Variants in ZMYM5 observed in about 807,000 individuals in gnomAD.
ZMYM5 encodes the protein zinc finger MYM-type protein 5.
ZMYM5 carries 41 observed loss-of-function variants against 61.8 expected under a neutral mutation model. The ratio of observed to expected loss-of-function variants is 0.66; its 90% CI spans 0.52 to 0.86. The LOEUF (loss-of-function observed/expected upper bound fraction) is 0.86, where lower values mean the gene tolerates loss of function less well. Among genes scored for constraint, ZMYM5 ranks in the 40% least tolerant of loss-of-function variants. The pLI is 0.00. For synonymous variants in ZMYM5, 257 were observed against 276.4 expected (o/e 0.93, Z 0.70); for missense variants, 706 against 786.7 (o/e 0.90, Z 1.23).
chr13:19,824,286 T>C lies in ZMYM5; in HGVS notation c.*191A>G, dbSNP rs573872326. The C allele has an allele frequency of 4.8e-5, 12 of 250,338 alleles. No homozygotes were observed. The South Asian group carries it at 1.2e-3, about 25-fold the overall frequency. 15.5% of individuals were successfully genotyped at this position (250,338 alleles called of 1,614,324 possible). A position where few individuals can be genotyped will look rare whatever the true frequency, so the allele number is the denominator to read the frequency against. ...AAGTCATTGCCTAATGATGATTGAA[T>C]CTAATTAGTTTTAGATTTAGAATGG... is the stretch of plus-strand genomic sequence containing the variant. On this transcript the variant is annotated 3_prime_UTR_variant, in exon 8 of 8. Coordinates refer to ENST00000337963, the MANE Select transcript of ZMYM5 (RefSeq NM_001142684.2).
Position 19,824,676 on chromosome 13 carries a change from T to C in ZMYM5, c.1811A>G (p.Lys604Arg). ...CCAATCTTTGCACCCATTTTCATTT[T>C]TCAGTTGATTTTTTCCTTCCCCAAA... Reference protein sequence around the residue: ...KLFGEGKNQLKNENGCKDWQH... With the variant: ...KLFGEGKNQLRNENGCKDWQH... Residue 604 changes from lysine to arginine, a missense_variant, in exon 8 of 8, where the codon AAA (lysine) becomes AGA (arginine). Around this residue, in one of 2 missense-constraint regions of ZMYM5, gnomAD observed 226 missense variants for 325.0 expected, o/e 0.70. Transcript: ENST00000337963. The C allele has an allele frequency of 7.5e-7, 1 of 1,337,194 alleles. No individual in the cohort carries two copies. The highest frequency in any genetic ancestry group is 9.9e-7 in the Non-Finnish European group (1 of 1,008,132). The allele number at this position is 1,337,194 out of a possible 1,614,324, so 82.8% of individuals were successfully genotyped here. A position where few individuals can be genotyped will look rare whatever the true frequency, so the allele number is the denominator to read the frequency against.
At position 19,861,158 on chromosome 13, in the gene ZMYM5, A is replaced by AT. The variant is rs200926139; in HGVS notation, c.-11+1240dup. On this transcript the variant is annotated intron_variant, in intron 2 of 7. Transcript: ENST00000337963. Reference sequence around the variant, plus strand: ...CACAGTGCCCAGAGCCACTTTACCCATTTTTTTTGAGACAGACTCTCTCTT... The same window carrying AT: ...CACAGTGCCCAGAGCCACTTTACCCATTTTTTTTTGAGACAGACTCTCTCTT... Among the ~76,000 whole-genome samples, 924 of 151,552 alleles carry AT rather than the reference A, an allele frequency of 6.1e-3. 12 individuals carry two copies. Among genetic ancestry groups the AT allele is most frequent in the African/African-American group, 0.02 (844 of 41,322 alleles).
At chr13:19,845,314 C>A (rs1397733455) in intron 4 of ZMYM5, among the ~76,000 whole-genome samples, 1 of 152,088 alleles carries the variant, frequency 6.6e-6, no homozygotes, top group East Asian at 1.9e-4. Context: ...ATAGTAATAC[C>A]AAGATTTATT....
intron 7 of ZMYM5, among the ~76,000 whole-genome samples, chr13:19,826,990 G>A (rs575099661): frequency 1.3e-5 from 2 of 152,166 alleles, no homozygotes; most frequent in Non-Finnish European, 2.9e-5. Flanking sequence ...AACTAGTTGC[G>A]AAGTACTTGT....
intron 7 of ZMYM5, among the ~76,000 whole-genome samples, chr13:19,826,414 T>C (rs1890919697): frequency 6.6e-6 from 1 of 151,958 alleles, no homozygotes; most frequent in Non-Finnish European, 1.5e-5. Flanking sequence ...AGTTACCCTA[T>C]GACCCAGCAA....
At position 19,838,709 on chromosome 13, in the gene ZMYM5, A is replaced by G; in HGVS notation, c.863T>C (p.Ile288Thr). The change falls in exon 5 of 8, where the codon ATA becomes ACA. Residue 288 changes from isoleucine (I) to threonine (T), a missense_variant. Ile to Thr is a moderately conservative substitution (Grantham distance 89, BLOSUM62 -1). This residue lies in a region of ZMYM5 where 480 missense variants were observed against 461.7 expected (regional missense o/e 1.04). Coordinates refer to ENST00000337963, the MANE Select transcript of ZMYM5 (RefSeq NM_001142684.2). ...HKRTQNTRSI[I>T]CKKDASTKKA... ...GAAAGGTACTGCTTACTTTTTACAT[A>G]TTATGCTTCGTGTGTTTTGAGTACG... 1 of 1,613,958 alleles carries G rather than the reference A, an allele frequency of 6.2e-7. No individual in the cohort carries two copies. The highest frequency in any genetic ancestry group is 8.5e-7 in the Non-Finnish European group (1 of 1,179,986).
At chr13:19,832,742 G>C in intron 7 of ZMYM5, among the ~76,000 whole-genome samples, 1 of 151,986 alleles carries the variant, frequency 6.6e-6, no homozygotes, top group Non-Finnish European at 1.5e-5. Context: ...TCTTTGAAAA[G>C]ACAATTTAAC....
chr13:19,832,615 C>T (rs1003587615), intron 7 of ZMYM5, among the ~76,000 whole-genome samples: 5 of 152,030 alleles, frequency 3.3e-5, no homozygotes, highest in Non-Finnish European at 7.4e-5. Flanking sequence ...CATGAGCCAC[C>T]ACACCCAGCC....
intron 4 of ZMYM5, among the ~76,000 whole-genome samples, chr13:19,847,018 A>T (rs552877041): frequency 1.9e-4 from 29 of 152,104 alleles, no homozygotes; most frequent in African/African-American, 7.0e-4. Context: ...CATGATCTCA[A>T]CTCACTGCAA....
At position 19,851,690 on chromosome 13, in the gene ZMYM5, T is replaced by C. The variant is rs1353626371; in HGVS notation, c.491A>G (p.Lys164Arg). ...DFSTSSLSRS[K>R]TKTGVRPFNP... is the part of the protein sequence containing the mutation. ...ACTATTACCCATTCCTGCATTTACC[T>C]TACTTCTTGAAAGACTGGAAGTGGA... Residue 164 changes from lysine to arginine, a missense_variant and splice_region_variant, in exon 3 of 8, where the codon AAG (lysine) becomes AGG (arginine). Coordinates refer to ENST00000337963, the MANE Select transcript of ZMYM5 (RefSeq NM_001142684.2). 1 of 1,565,704 alleles carries C rather than the reference T, an allele frequency of 6.4e-7. No individual in the cohort carries two copies. The highest frequency in any genetic ancestry group is 1.4e-5 in the African/African-American group (1 of 72,740).
At chr13:19,851,320 T>G (rs1953285092) in intron 4 of ZMYM5, 35 bp downstream of exon 4, 1 of 1,551,892 alleles carries the variant, frequency 6.4e-7, no homozygotes, top group Non-Finnish European at 8.9e-7. Flanking sequence ...AAGGCTTATT[T>G]ACTTGAGGTA....
chr13:19,831,777 G>C (rs1221849919), intron 7 of ZMYM5, among the ~76,000 whole-genome samples: 3 of 89,222 alleles, frequency 3.4e-5, no homozygotes, highest in African/African-American at 4.4e-5. Context: ...GACAGAGAGA[G>C]ACTCTGTCTC....
chr13:19,860,474 T>TA (rs1386309880), intron 2 of ZMYM5, among the ~76,000 whole-genome samples: 29 of 94,054 alleles, frequency 3.1e-4, no homozygotes, highest in Admixed American at 5.6e-4. Context: ...GTGTGTGTAT[T>TA]TTTTTTTTTG....
At chr13:19,861,321 GT>G (rs1566114327) in intron 2 of ZMYM5, among the ~76,000 whole-genome samples, 1 of 151,976 alleles carries the variant, frequency 6.6e-6, no homozygotes, top group African/African-American at 2.4e-5. Flanking sequence ...GCTAATTTTT[GT>G]ATTTTTTGTA....
intron 2 of ZMYM5, among the ~76,000 whole-genome samples, chr13:19,856,500 C>T (rs1015849532): frequency 2.6e-5 from 4 of 151,930 alleles, no homozygotes; most frequent in African/African-American, 9.7e-5. Context: ...ATTAGCCAAG[C>T]GTGGTGATGC....
intron 4 of ZMYM5, among the ~76,000 whole-genome samples, chr13:19,844,278 C>T (rs1258339172): frequency 6.6e-6 from 1 of 152,084 alleles, no homozygotes; most frequent in Non-Finnish European, 1.5e-5. Context: ...CCACTGCACT[C>T]CAGCCTGAGC....
At position 19,825,140 on chromosome 13, in the gene ZMYM5, T is replaced by C; in HGVS notation, c.1347A>G (p.Ser449=). ...CCTCTATTTTTTTCAAAAGTGTATTTGACGATCCATATAATTGTTTCTCAT... is the reference window on the plus strand; with the variant it reads ...CCTCTATTTTTTTCAAAAGTGTATTCGACGATCCATATAATTGTTTCTCAT... ...EENEKQLYGS[S]NTLLKKIEGI... is the part of the protein sequence containing the mutation. The change falls in exon 8 of 8, where the codon TCA becomes TCG. Residue 449 remains serine (S), a synonymous_variant. Transcript: ENST00000337963. The C allele has an allele frequency of 5.2e-6, 7 of 1,348,710 alleles. No homozygotes were observed. Among genetic ancestry groups the C allele is most frequent in the Non-Finnish European group, 6.9e-6 (7 of 1,012,186 alleles). 83.5% of individuals were successfully genotyped at this position (1,348,710 alleles called of 1,614,324 possible).
In ZMYM5 at chr13:19,835,678, T is replaced by A; in HGVS notation, c.1050A>T (p.Glu350Asp). 7.3e-7 allele frequency: 1 copy of A among 1,367,320 alleles called. No homozygotes were observed. Among genetic ancestry groups the A allele is most frequent in the Middle Eastern group, 2.1e-4 (1 of 4,760 alleles). The allele number at this position is 1,367,320 out of a possible 1,614,324, so 84.7% of individuals were successfully genotyped here. A position where few individuals can be genotyped will look rare whatever the true frequency, so the allele number is the denominator to read the frequency against. Residue 350 changes from glutamate to aspartate, a missense_variant, in exon 7 of 8, where the codon GAA becomes GAT. Around this residue, in one of 2 missense-constraint regions of ZMYM5, gnomAD observed 480 missense variants for 461.7 expected, o/e 1.04. Transcript: ENST00000337963. ...TATGTGTTACATTATTTACGCTGAC[T>A]TCATGGCGAATCTAAAAGAAAAACC... is the stretch of plus-strand genomic sequence containing the variant. ...ICSKLAEIRH[E>D]VSVNNVTHKL...
intron 7 of ZMYM5, among the ~76,000 whole-genome samples, chr13:19,826,996 C>T (rs1042930095): frequency 6.6e-6 from 1 of 152,062 alleles, no homozygotes; most frequent in Non-Finnish European, 1.5e-5. Flanking sequence ...TTGCGAAGTA[C>T]TTGTGTGATT....
Sources: allele counts gnomAD v4.1 joint callset (sites outside exome capture counted in the v4.1 genomes callset), GRCh38; gene constraint gnomAD v4.1.1; regional missense constraint gnomAD v4.1.1; transcripts MANE v1.5; gene names NCBI Gene and HGNC (gene_info 2026-07-23, HGNC 2026-07-21).